Variants in NIPSNAP2 observed in about 807,000 individuals in gnomAD.
NIPSNAP2 encodes protein NipSnap homolog 2.
Under a neutral mutation model 48.4 loss-of-function variants are expected in NIPSNAP2, and 42 were observed. The observed-to-expected ratio is 0.87, with a 90% CI of 0.68 to 1.12. The LOEUF is 1.12. Ranked by LOEUF, NIPSNAP2 falls within the 50% of genes most tolerant of loss-of-function variation. NIPSNAP2 has a pLI of 0.00. For synonymous variants in NIPSNAP2, 158 were observed against 126.6 expected, an observed-to-expected ratio of 1.25 and a Z score of -1.67; for missense variants, 314 against 347.3, an observed-to-expected ratio of 0.90 and a Z score of 0.76.
rs369625283 is a variant in NIPSNAP2 at position 55,983,829 on chromosome 7, C to T, written c.546C>T (p.Ser182=). The T allele has an allele frequency of 1.2e-4, 199 of 1,613,818 alleles. No homozygotes were observed. The highest frequency in any genetic ancestry group is 1.6e-4 in the Non-Finnish European group (188 of 1,179,936). Residue 182 remains serine, a synonymous_variant, in exon 6 of 10, where the codon TCC becomes TCT. Transcript: ENST00000322090. ...TCTGGAATGAGCCTGTGCCAAGATC[C>T]GGACCTAATATATATGAACTCAGGT... ...FSFWNEPVPR[S]GPNIYELRSY...
chr7:55,973,096 A>G (rs1369771617), intron 1 of NIPSNAP2, among the ~76,000 whole-genome samples: 1 of 151,680 alleles, frequency 6.6e-6, no homozygotes, highest in Non-Finnish European at 1.5e-5. Flanking sequence ...ACAAAGTGAG[A>G]CCCTGTCTCA....
chr7:55,968,111 C>A (rs77420318), intron 1 of NIPSNAP2, among the ~76,000 whole-genome samples: 1 of 152,038 alleles, frequency 6.6e-6, no homozygotes, highest in Admixed American at 6.6e-5. Flanking sequence ...GAATTCTAAG[C>A]GGACATTTTC....
At chr7:55,984,954 A>G in intron 7 of NIPSNAP2, 76 bp downstream of exon 7, 12 of 1,168,378 alleles carry the variant, frequency 1.0e-5, no homozygotes, top group Non-Finnish European at 1.5e-5. Context: ...AATTCTAGGG[A>G]AAAAAATCTG....
At position 55,988,819 on chromosome 7, in the gene NIPSNAP2, C is replaced by T. The variant is rs111244086; in HGVS notation, c.617+3941C>T. Among the ~76,000 whole-genome samples the T allele has an allele frequency of 8.6e-4, 130 of 151,958 alleles. 2 individuals are homozygous for T. The highest frequency in any genetic ancestry group is 3.0e-3 in the African/African-American group (124 of 41,426). ...GGTGGAGGTTGCAGTGAGCCAAGGT[C>T]ACGCCTCTGCACTCCAGCCTGGGTG... On this transcript the variant is annotated intron_variant, in intron 7 of 9. Coordinates refer to ENST00000322090, the MANE Select transcript of NIPSNAP2 (RefSeq NM_001483.3).
chr7:55,971,011 C>T (rs1434933875), intron 1 of NIPSNAP2, among the ~76,000 whole-genome samples: 1 of 152,126 alleles, frequency 6.6e-6, no homozygotes, highest in Non-Finnish European at 1.5e-5. Flanking sequence ...TCTGGTTTAT[C>T]TTTGTATCCA....
intron 4 of NIPSNAP2, 90 bp downstream of exon 4, chr7:55,981,657 A>AT: frequency 1.3e-6 from 1 of 777,698 alleles, no homozygotes; most frequent in Admixed American, 2.6e-5. Context: ...TGTTCTTATC[A>AT]TCAAAGCTTT....
chr7:55,970,090 C>T (rs1016509859), intron 1 of NIPSNAP2, among the ~76,000 whole-genome samples: 3 of 152,038 alleles, frequency 2.0e-5, no homozygotes, highest in Non-Finnish European at 2.9e-5. Context: ...TTTCCTCTTC[C>T]CCGCCTGATC....
At chr7:55,967,434 G>A (rs1337479140) in intron 1 of NIPSNAP2, among the ~76,000 whole-genome samples, 2 of 152,088 alleles carry the variant, frequency 1.3e-5, no homozygotes, top group African/African-American at 2.4e-5. Flanking sequence ...CGAAGAGTGT[G>A]GGCTCGAACC....
intron 7 of NIPSNAP2, among the ~76,000 whole-genome samples, chr7:55,990,593 T>TA (rs994569633): frequency 2.0e-5 from 3 of 152,096 alleles, no homozygotes; most frequent in Non-Finnish European, 2.9e-5. Context: ...TGTTAACTCT[T>TA]ACTTTTCTTT....
intron 1 of NIPSNAP2, among the ~76,000 whole-genome samples, chr7:55,972,767 C>T (rs150084736): frequency 1.6e-4 from 24 of 152,138 alleles, no homozygotes; most frequent in African/African-American, 4.6e-4. Flanking sequence ...ATGTAGTGTA[C>T]GTAAAACACT....
intron 1 of NIPSNAP2, among the ~76,000 whole-genome samples, chr7:55,967,189 T>C (rs1411029418): frequency 6.6e-6 from 1 of 152,258 alleles, no homozygotes; most frequent in Non-Finnish European, 1.5e-5. Context: ...AGGATTTAAC[T>C]CCTCTTCCTT....
intron 3 of NIPSNAP2, chr7:55,979,985 C>G (rs866740478): frequency 5.1e-6 from 2 of 390,240 alleles, no homozygotes; most frequent in Non-Finnish European, 1.0e-5. Flanking sequence ...ACCTGGGCCC[C>G]GTTGCCAGGC....
intron 5 of NIPSNAP2, among the ~76,000 whole-genome samples, chr7:55,982,484 C>T (rs1407264939): frequency 6.6e-6 from 1 of 152,170 alleles, no homozygotes; most frequent in African/African-American, 2.4e-5. Context: ...CGCGGTGGCT[C>T]ACGCCTGTAA....
chr7:55,988,000 C>G (rs1328654592), intron 7 of NIPSNAP2, among the ~76,000 whole-genome samples: 1 of 152,122 alleles, frequency 6.6e-6, no homozygotes, highest in African/African-American at 2.4e-5. Context: ...AGGCCAGGTG[C>G]AGTGGCTCAC....
intron 1 of NIPSNAP2, among the ~76,000 whole-genome samples, chr7:55,968,405 A>G (rs1029342413): frequency 6.9e-6 from 1 of 144,680 alleles, no homozygotes; most frequent in African/African-American, 2.6e-5. Flanking sequence ...TTTTTTCCTG[A>G]GACAGAGTCT....
intron 7 of NIPSNAP2, among the ~76,000 whole-genome samples, chr7:55,989,948 TC>T (rs1227452488): frequency 3.7e-4 from 31 of 84,032 alleles, no homozygotes; most frequent in African/African-American, 9.4e-4. Flanking sequence ...CTACTAAAAA[TC>T]CAAAAAAAAA....
chr7:55,984,847 C>T lies in NIPSNAP2; in HGVS notation c.586C>T (p.Pro196Ser). 6.2e-7 allele frequency: 1 copy of T among 1,608,626 alleles called. No individual in the cohort carries two copies. Among genetic ancestry groups the T allele is most frequent in the Non-Finnish European group, 8.5e-7 (1 of 1,177,896 alleles). ...AAACCAAATCTAAATCTGTTTTCAG[C>T]CAGGAACCATGATTGAATGGGGCAA... ...IYELRSYQLR[P>S]GTMIEWGNYW... The change falls in exon 7 of 10, where the codon CCA becomes TCA. Residue 196 changes from proline to serine, a missense_variant and splice_region_variant. By Grantham distance (74) the Pro-to-Ser change is moderately conservative. Coordinates refer to ENST00000322090, the MANE Select transcript of NIPSNAP2 (RefSeq NM_001483.3).
chr7:55,972,277 C>G (rs1042775205), intron 1 of NIPSNAP2, among the ~76,000 whole-genome samples: 1 of 150,914 alleles, frequency 6.6e-6, no homozygotes, highest in African/African-American at 2.4e-5. Context: ...CTATTGCCCT[C>G]CAGCCTGGGC....
At chr7:55,993,914 C>T (rs1787501811) in intron 7 of NIPSNAP2, among the ~76,000 whole-genome samples, 1 of 147,470 alleles carries the variant, frequency 6.8e-6, no homozygotes, top group African/African-American at 2.4e-5. Flanking sequence ...GAATGGTTTG[C>T]TCTAGTAGGA....
Sources: gnomAD v4.1 joint callset for allele counts (sites outside exome capture counted in the v4.1 genomes callset) on GRCh38, gnomAD v4.1.1 for gene constraint, MANE v1.5 for transcripts, NCBI Gene and HGNC (gene_info 2026-07-23, HGNC 2026-07-21) for gene names.